Variants in FOXP1 observed in about 807,000 individuals in gnomAD.
FOXP1 encodes forkhead box P1.
In FOXP1, 15 loss-of-function variants were observed where a neutral mutation model predicts 98.2. The ratio of observed to expected loss-of-function variants is 0.15; its 90% CI spans 0.10 to 0.24. The LOEUF (loss-of-function observed/expected upper bound fraction) is 0.24, where lower values mean the gene tolerates loss of function less well. Among genes scored for constraint, FOXP1 ranks in the 10% least tolerant of loss-of-function variants. The probability of loss-of-function intolerance (pLI) is 1.00; values close to 1 mark genes in which losing one functional copy is unlikely to be tolerated. For missense variants in FOXP1, 633 were observed against 848.5 expected (o/e 0.75, Z 3.15); for synonymous variants, 371 against 314.5 (o/e 1.18, Z -1.90).
At chr3:71,109,747 C>A (rs2057753302) in intron 7 of FOXP1, among the ~76,000 whole-genome samples, 1 of 152,136 alleles carries the variant, frequency 6.6e-6, no homozygotes, top group Admixed American at 6.5e-5. Flanking sequence ...ATAGTAATTT[C>A]TCCTCTGTTT....
chr3:71,374,332 G>C (rs937900996), intron 3 of FOXP1, among the ~76,000 whole-genome samples: 1 of 152,180 alleles, frequency 6.6e-6, no homozygotes, highest in Non-Finnish European at 1.5e-5. Flanking sequence ...GGTGGCTCAT[G>C]CCTGTAATCC....
chr3:71,474,345 A>G (rs1475791791), intron 3 of FOXP1, among the ~76,000 whole-genome samples: 1 of 152,190 alleles, frequency 6.6e-6, no homozygotes, highest in Non-Finnish European at 1.5e-5. Context: ...TTTTTGAAGA[A>G]AGATAAATTA....
chr3:71,016,371 C>T (rs1460358848), intron 11 of FOXP1, among the ~76,000 whole-genome samples: 3 of 152,180 alleles, frequency 2.0e-5, no homozygotes, highest in Admixed American at 2.0e-4. Flanking sequence ...ATGCTTTGAT[C>T]CGCACCATGT....
rs551389145 is a variant in FOXP1, at chr3:71,298,890, G to A, written c.-12+930C>T. 3.3e-4 allele frequency among the ~76,000 whole-genome samples: 50 copies of A among 152,274 alleles called. 1 individual carries two copies. In the South Asian group the frequency reaches 8.3e-3, roughly 25 times the overall value. Reference sequence around the variant, plus strand: ...ATATCTGACAAATACATAAACTTTAGTAAAATCTGAGCAAAGGCTTTGTTC... The same window carrying A: ...ATATCTGACAAATACATAAACTTTAATAAAATCTGAGCAAAGGCTTTGTTC... On this transcript the variant is annotated intron_variant, in intron 5 of 20. Transcript: ENST00000649528.
intron 6 of FOXP1, among the ~76,000 whole-genome samples, chr3:71,139,088 G>A (rs2107982643): frequency 6.6e-6 from 1 of 152,190 alleles, no homozygotes; most frequent in East Asian, 1.9e-4. Context: ...CACATCTACA[G>A]GAAATTTTCT....
At chr3:71,557,034 C>G (rs994217274) in intron 2 of FOXP1, among the ~76,000 whole-genome samples, 2 of 151,978 alleles carry the variant, frequency 1.3e-5, no homozygotes, top group Non-Finnish European at 2.9e-5. Context: ...TGAAAATGAG[C>G]AGGAAACAAA....
intron 3 of FOXP1, among the ~76,000 whole-genome samples, chr3:71,369,961 T>A (rs2079182360): frequency 6.6e-6 from 1 of 152,136 alleles, no homozygotes; most frequent in Admixed American, 6.5e-5. Flanking sequence ...CACACAGATG[T>A]AACCTAAGCA....
At position 71,321,720 on chromosome 3, in the gene FOXP1, C is replaced by A. The variant is rs565893328; in HGVS notation, c.-72-21840G>T. Among the ~76,000 whole-genome samples the A allele has an allele frequency of 2.0e-5, 3 of 151,870 alleles. No homozygotes were observed. The South Asian group carries it at 6.3e-4, about 32-fold the overall frequency. On this transcript the variant is annotated intron_variant, in intron 4 of 20. Transcript: ENST00000649528. ...CACTGCAACCTCTGCCTCCCAGGTT[C>A]AAGTAACTCTCCTGCCTCAGCCTCC...
chr3:71,040,882 G>C (rs959086638), intron 11 of FOXP1, among the ~76,000 whole-genome samples: 1 of 152,076 alleles, frequency 6.6e-6, no homozygotes, highest in African/African-American at 2.4e-5. Context: ...GAAAAACATG[G>C]GCGCCCAGCC....
At chr3:71,389,307 T>C (rs1241317787) in intron 3 of FOXP1, among the ~76,000 whole-genome samples, 1 of 145,506 alleles carries the variant, frequency 6.9e-6, no homozygotes, top group Non-Finnish European at 1.5e-5. Context: ...AAACTGAGGC[T>C]TTCCTACAAG....
chr3:71,168,828 C>T (rs941727618), intron 6 of FOXP1, among the ~76,000 whole-genome samples: 1 of 152,046 alleles, frequency 6.6e-6, no homozygotes, highest in Non-Finnish European at 1.5e-5. Context: ...TTCTATAGAA[C>T]CAAGGGGCCT....
chr3:70,988,444 T>C (rs1417409935), intron 13 of FOXP1, among the ~76,000 whole-genome samples: 1 of 152,238 alleles, frequency 6.6e-6, no homozygotes, highest in African/African-American at 2.4e-5. Context: ...AATTCATCTG[T>C]TGTGGTTGTG....
intron 6 of FOXP1, among the ~76,000 whole-genome samples, chr3:71,114,328 A>G (rs2058190938): frequency 1.3e-5 from 2 of 152,192 alleles, no homozygotes; most frequent in Non-Finnish European, 2.9e-5. Context: ...ACTCAGAAGA[A>G]AGAGAGAACA....
At chr3:71,065,539 C>G (rs1289312309) in intron 7 of FOXP1, 3 of 152,186 alleles carry the variant, frequency 2.0e-5, no homozygotes, top group African/African-American at 7.2e-5. Flanking sequence ...CTTTCTTTCC[C>G]AGAGTCGGTC....
At chr3:71,482,744 G>A (rs767777887) in intron 3 of FOXP1, among the ~76,000 whole-genome samples, 1 of 151,408 alleles carries the variant, frequency 6.6e-6, no homozygotes, top group Non-Finnish European at 1.5e-5. Context: ...TTTCTGTCTT[G>A]CAGAAAATTC....
chr3:71,134,579 A>G (rs2059728227), intron 6 of FOXP1, among the ~76,000 whole-genome samples: 1 of 152,260 alleles, frequency 6.6e-6, no homozygotes, highest in Non-Finnish European at 1.5e-5. Flanking sequence ...CAGTAGGAAA[A>G]AATACAGCGA....
chr3:71,260,026 C>A (rs1172230774), intron 5 of FOXP1, among the ~76,000 whole-genome samples: 1 of 152,226 alleles, frequency 6.6e-6, no homozygotes, highest in African/African-American at 2.4e-5. Context: ...CTCTCTCCCC[C>A]AGGCTGGAGT....
chr3:71,014,112 A>T (rs1190901952), intron 12 of FOXP1, among the ~76,000 whole-genome samples: 3 of 152,358 alleles, frequency 2.0e-5, no homozygotes, highest in Admixed American at 2.0e-4. Context: ...TTCATGACTA[A>T]AACAGCAAAA....
At chr3:71,563,020 G>A (rs1268005647) in intron 2 of FOXP1, among the ~76,000 whole-genome samples, 1 of 152,138 alleles carries the variant, frequency 6.6e-6, no homozygotes, top group East Asian at 1.9e-4. Flanking sequence ...TACAGAATGT[G>A]AGCCTGCTGA....
Sources: gnomAD v4.1 joint callset for allele counts (sites outside exome capture counted in the v4.1 genomes callset) on GRCh38, gnomAD v4.1.1 for gene constraint, MANE v1.5 for transcripts, NCBI Gene and HGNC (gene_info 2026-07-23, HGNC 2026-07-21) for gene names.